Variants in PRKG1 observed in about 807,000 individuals in gnomAD.
PRKG1 encodes protein kinase cGMP-dependent 1.
Under a neutral mutation model 88.1 loss-of-function variants are expected in PRKG1, and 35 were observed. That is an observed-to-expected ratio of 0.40 (90% CI 0.30 to 0.53). PRKG1 has a LOEUF of 0.53. Ranked by LOEUF, PRKG1 falls within the 20% of genes least tolerant of loss-of-function variation. The pLI is 0.59. For missense variants in PRKG1, 540 were observed against 839.8 expected (o/e 0.64, Z 4.41); for synonymous variants, 303 against 292.5 (o/e 1.04, Z -0.37).
In PRKG1 at chr10:51,858,309, TATG is replaced by T. The variant is rs1288544159; in HGVS notation, c.699-49197_699-49195del. On this transcript the variant is annotated intron_variant, in intron 4 of 17. Coordinates refer to ENST00000373980, the MANE Select transcript of PRKG1 (RefSeq NM_006258.4). The stretch of plus-strand genomic sequence containing the variant: ...TAATTATACATATGTATAATATATA[TATG>T]TATAATATGTATTATATATAATATA... Among the ~76,000 whole-genome samples the T allele has an allele frequency of 5.8e-4, 10 of 17,226 alleles. 1 individual carries two copies. Among genetic ancestry groups the T allele is most frequent in the African/African-American group, 2.5e-3 (10 of 4,058 alleles). The allele number at this position is 17,226 out of a possible 152,430, so 11.3% of individuals were successfully genotyped here. A position where few individuals can be genotyped will look rare whatever the true frequency, so the allele number is the denominator to read the frequency against.
chr10:51,994,850 C>G (rs1049356562), intron 5 of PRKG1, among the ~76,000 whole-genome samples: 4 of 152,122 alleles, frequency 2.6e-5, no homozygotes, highest in Admixed American at 2.6e-4. Context: ...CTGCTTCTAT[C>G]ACCTTGACAA....
intron 2 of PRKG1, among the ~76,000 whole-genome samples, chr10:51,398,282 G>T (rs774754071): frequency 2.4e-4 from 37 of 152,126 alleles, no homozygotes; most frequent in Middle Eastern, 3.2e-3. Context: ...CTCAAAAGGG[G>T]TGTGCAGCCT....
intron 9 of PRKG1, among the ~76,000 whole-genome samples, chr10:52,166,795 A>ATATATATATATATATG (rs1319112349): frequency 3.0e-4 from 7 of 23,658 alleles, no homozygotes; most frequent in South Asian, 3.1e-3. Flanking sequence ...GCCTATATAT[A>ATATATATATATATATG]TACATATATA....
intron 2 of PRKG1, among the ~76,000 whole-genome samples, chr10:51,308,453 A>C (rs1320139805): frequency 6.6e-6 from 1 of 152,190 alleles, no homozygotes; most frequent in African/African-American, 2.4e-5. Flanking sequence ...CATAAAAAGC[A>C]CATGGGCCTA....
intron 2 of PRKG1, among the ~76,000 whole-genome samples, chr10:51,338,513 G>T (rs961982733): frequency 1.3e-5 from 2 of 152,174 alleles, no homozygotes; most frequent in African/African-American, 4.8e-5. Context: ...GAGCCACATA[G>T]CTAGTTATGA....
intron 3 of PRKG1, among the ~76,000 whole-genome samples, chr10:51,474,453 GAAT>G (rs1588994383): frequency 6.6e-6 from 1 of 151,938 alleles, no homozygotes; most frequent in Non-Finnish European, 1.5e-5. Context: ...GTAAAAAGAT[GAAT>G]TCTGTAACAT....
intron 2 of PRKG1, among the ~76,000 whole-genome samples, chr10:51,348,371 A>G (rs1842163035): frequency 6.6e-6 from 1 of 152,114 alleles, no homozygotes. Flanking sequence ...TTAAATATAT[A>G]ATCTTTCAAA....
chr10:52,261,626 C>G (rs1428414485), intron 10 of PRKG1, among the ~76,000 whole-genome samples: 2 of 151,994 alleles, frequency 1.3e-5, no homozygotes, highest in African/African-American at 4.8e-5. Context: ...GTGACGAGTT[C>G]CTTTTATTCT....
Position 52,161,889 on chromosome 10 carries a change from C to T in PRKG1, c.1002C>T (p.Asp334=), listed in dbSNP as rs1838285429. The part of the protein sequence containing the change: ...EAVTCLVIDR[D]SFKHLIGGLD... ...TCACTGTGCTTTTTTCGTCTGACAGCTCTTTTAAACATTTGATTGGAGGGC... is the reference window on the plus strand; with the variant it reads ...TCACTGTGCTTTTTTCGTCTGACAGTTCTTTTAAACATTTGATTGGAGGGC... The change falls in exon 9 of 18, where the codon GAC becomes GAT. Residue 334 remains aspartate (D), a splice_region_variant and synonymous_variant. Transcript: ENST00000373980. The T allele has an allele frequency of 6.2e-7, 1 of 1,612,314 alleles. No individual in the cohort carries two copies. The highest frequency in any genetic ancestry group is 2.2e-5 in the East Asian group (1 of 44,734).
chr10:51,425,831 C>T (rs1386014304), intron 2 of PRKG1, among the ~76,000 whole-genome samples: 1 of 152,190 alleles, frequency 6.6e-6, no homozygotes, highest in Non-Finnish European at 1.5e-5. Flanking sequence ...CATCTGTCTT[C>T]CAGCCATACA....
chr10:52,055,186 A>C (rs1186104607), intron 6 of PRKG1, among the ~76,000 whole-genome samples: 2 of 152,220 alleles, frequency 1.3e-5, no homozygotes, highest in Non-Finnish European at 2.9e-5. Flanking sequence ...TCATCAAGTC[A>C]TTAGAAGCAG....
chr10:52,169,434 G>A (rs1409668412), intron 9 of PRKG1, among the ~76,000 whole-genome samples: 1 of 152,082 alleles, frequency 6.6e-6, no homozygotes, highest in East Asian at 1.9e-4. Context: ...TCTTTTATAA[G>A]GGCACTAAGT....
chr10:52,263,771 T>C (rs1372342797), intron 10 of PRKG1, among the ~76,000 whole-genome samples: 1 of 151,886 alleles, frequency 6.6e-6, no homozygotes, highest in African/African-American at 2.4e-5. Context: ...GACATGGCCA[T>C]GTTGCCCATG....
At chr10:51,933,723 T>A (rs1842741340) in intron 5 of PRKG1, among the ~76,000 whole-genome samples, 1 of 152,074 alleles carries the variant, frequency 6.6e-6, no homozygotes, top group Non-Finnish European at 1.5e-5. Context: ...ATAAGGTTAT[T>A]GTGAGGATTA....
At chr10:52,107,189 A>AT (rs1278148885) in intron 7 of PRKG1, among the ~76,000 whole-genome samples, 3 of 152,232 alleles carry the variant, frequency 2.0e-5, no homozygotes, top group Non-Finnish European at 4.4e-5. Flanking sequence ...AACCAATAGA[A>AT]TGACCAGAAC....
chr10:51,560,714 T>A (rs1029210689), intron 3 of PRKG1, among the ~76,000 whole-genome samples: 1 of 152,128 alleles, frequency 6.6e-6, no homozygotes, highest in African/African-American at 2.4e-5. Flanking sequence ...AATTAATTGA[T>A]TGTTTCTCAG....
intron 1 of PRKG1, among the ~76,000 whole-genome samples, chr10:51,049,019 G>A (rs541978356): frequency 3.3e-5 from 5 of 152,184 alleles, no homozygotes; most frequent in Admixed American, 6.5e-5. Context: ...TTGCTGGGGC[G>A]TTGCTCATGA....
At chr10:51,347,931 C>T (rs1203371075) in intron 2 of PRKG1, among the ~76,000 whole-genome samples, 3 of 151,806 alleles carry the variant, frequency 2.0e-5, no homozygotes, top group Admixed American at 6.6e-5. Flanking sequence ...GGCATGGTGG[C>T]GGGTGCCTGT....
intron 1 of PRKG1, among the ~76,000 whole-genome samples, chr10:51,112,044 G>T (rs1440169959): frequency 6.6e-6 from 1 of 152,098 alleles, no homozygotes; most frequent in Non-Finnish European, 1.5e-5. Context: ...GGCGTGTAAG[G>T]TAGGAAATAG....
Sources: allele counts gnomAD v4.1 joint callset (sites outside exome capture counted in the v4.1 genomes callset), GRCh38; gene constraint gnomAD v4.1.1; transcripts MANE v1.5; gene names NCBI Gene and HGNC (gene_info 2026-07-23, HGNC 2026-07-21).